Variants in DOCK7 observed in about 807,000 individuals in gnomAD.
DOCK7 encodes dedicator of cytokinesis 7.
DOCK7 carries 138 observed loss-of-function variants against 271.0 expected under a neutral mutation model. The observed-to-expected ratio is 0.51, with a 90% CI of 0.44 to 0.59. The LOEUF (loss-of-function observed/expected upper bound fraction) is 0.59. Ranked by LOEUF, DOCK7 falls within the 20% of genes least tolerant of loss-of-function variation. DOCK7 has a pLI of 0.00. For synonymous variants in DOCK7, 823 were observed against 876.1 expected (o/e 0.94, Z 1.07); for missense variants, 2,066 against 2,592.4 (o/e 0.80, Z 4.41).
At chr1:62,488,729 T>C (rs1646369377) in intron 42 of DOCK7, 1 of 660,054 alleles carries the variant, frequency 1.5e-6, no homozygotes, top group Non-Finnish European at 2.7e-6. Context: ...AGAAAGTTTA[T>C]GATGATCACC....
chr1:62,490,060 C>CTTTTTTT (rs34084769), intron 41 of DOCK7, among the ~76,000 whole-genome samples: 1 of 126,156 alleles, frequency 7.9e-6, no homozygotes, highest in African/African-American at 2.9e-5. Flanking sequence ...ATCCCTTATC[C>CTTTTTTT]TTTTTTTTTT....
At chr1:62,474,635 C>A (rs1416034308) in intron 47 of DOCK7, among the ~76,000 whole-genome samples, 1 of 152,102 alleles carries the variant, frequency 6.6e-6, no homozygotes, top group African/African-American at 2.4e-5. Flanking sequence ...TGGCTTTGTT[C>A]TTTTAATCTG....
chr1:62,639,893 G>GT (rs1158398572), intron 7 of DOCK7, among the ~76,000 whole-genome samples: 1 of 150,728 alleles, frequency 6.6e-6, no homozygotes. Context: ...TATATGTAGA[G>GT]TTTTTTCTTT....
At chr1:62,590,959 T>G (rs1337737038) in intron 14 of DOCK7, among the ~76,000 whole-genome samples, 7 of 152,112 alleles carry the variant, frequency 4.6e-5, no homozygotes, top group Admixed American at 6.5e-5. Context: ...AAAGCAAAAC[T>G]ACCATTCGAC....
intron 47 of DOCK7, among the ~76,000 whole-genome samples, chr1:62,474,433 C>T (rs894575657): frequency 2.6e-5 from 4 of 152,132 alleles, no homozygotes; most frequent in Non-Finnish European, 5.9e-5. Context: ...TCTGCCAATC[C>T]GCTGATTATC....
intron 1 of DOCK7, among the ~76,000 whole-genome samples, chr1:62,684,990 G>T (rs1293038163): frequency 6.6e-6 from 1 of 152,102 alleles, no homozygotes; most frequent in Non-Finnish European, 1.5e-5. Context: ...AAGAAATAAG[G>T]TTTCAAACAG....
intron 45 of DOCK7, 49 bp from the exon 46 acceptor site, chr1:62,475,992 A>T: frequency 6.2e-7 from 1 of 1,601,610 alleles, no homozygotes; most frequent in East Asian, 2.2e-5. Flanking sequence ...GTCATCATTT[A>T]GTCTTTCTCA....
intron 12 of DOCK7, among the ~76,000 whole-genome samples, chr1:62,620,515 C>A (rs1053421398): frequency 3.3e-5 from 5 of 151,964 alleles, no homozygotes; most frequent in Non-Finnish European, 5.9e-5. Context: ...ATACCACTGT[C>A]TTTTTTCTTA....
chr1:62,603,617 T>G (rs1054018715), intron 14 of DOCK7, among the ~76,000 whole-genome samples: 1 of 151,792 alleles, frequency 6.6e-6, no homozygotes, highest in Non-Finnish European at 1.5e-5. Flanking sequence ...AATAAATAGC[T>G]GACAGTAAAG....
chr1:62,483,209 T>TTTTTTTTTTTCTG (rs1217235928), intron 43 of DOCK7: 1 of 74,400 alleles, frequency 1.3e-5, no homozygotes. Context: ...TTTTTTTTTT[T>TTTTTTTTTTTCTG]TTGGGTAGAG....
At chr1:62,644,215 G>C (rs1031467260) in intron 7 of DOCK7, among the ~76,000 whole-genome samples, 1 of 152,116 alleles carries the variant, frequency 6.6e-6, no homozygotes, top group African/African-American at 2.4e-5. Context: ...CTGCAATCTA[G>C]AACCACTTTA....
At chr1:62,510,128 T>C (rs918033609) in intron 34 of DOCK7, among the ~76,000 whole-genome samples, 13 of 152,172 alleles carry the variant, frequency 8.5e-5, no homozygotes, top group African/African-American at 3.1e-4. Context: ...GTATTGTAGG[T>C]GTTTATGGCA....
At chr1:62,625,781 G>T (rs1043926193) in intron 11 of DOCK7, among the ~76,000 whole-genome samples, 5 of 152,146 alleles carry the variant, frequency 3.3e-5, no homozygotes, top group African/African-American at 9.7e-5. Flanking sequence ...AAGATAATTT[G>T]TATTCAAAGT....
rs1557686537 is a variant in DOCK7, at chr1:62,539,743, T to C, written c.3186+9A>G. 3.7e-6 allele frequency: 6 copies of C among 1,612,138 alleles called. No homozygotes were observed. The highest frequency in any genetic ancestry group is 2.7e-5 in the African/African-American group (2 of 74,926). ...AAAGAGAGATAAGTGGGGAAAAAGT[T>C]ATCATTACCTTCTGAAATCGTGAAA... On this transcript the variant is annotated intron_variant, in intron 26 of 49. Coordinates refer to ENST00000635253, the MANE Select transcript of DOCK7 (RefSeq NM_001367561.1).
chr1:62,492,778 T>C lies in DOCK7; in HGVS notation c.5287A>G (p.Ile1763Val). 2.5e-6 allele frequency: 4 copies of C among 1,613,948 alleles called. No individual in the cohort carries two copies. The highest frequency in any genetic ancestry group is 1.3e-5 in the African/African-American group (1 of 75,066). Residue 1763 changes from isoleucine to valine, a missense_variant, in exon 41 of 50, where the codon ATC becomes GTC. By Grantham distance (29) the Ile-to-Val change is conservative. Coordinates refer to ENST00000635253, the MANE Select transcript of DOCK7 (RefSeq NM_001367561.1). ...TCAGTAAAGTATTTTCCAGAGCAGA[T>C]ACCTTCTTCATCTGGAGATACCACA... ...DDVVSPDEEG[I>V]CSGKYFTESG...
chr1:62,573,968 T>A (rs1646865345), intron 18 of DOCK7, among the ~76,000 whole-genome samples: 1 of 152,084 alleles, frequency 6.6e-6, no homozygotes, highest in South Asian at 2.1e-4. Flanking sequence ...TTTTATACAG[T>A]TACAAGGAAG....
At chr1:62,554,720 G>T (rs1646081391) in intron 21 of DOCK7, among the ~76,000 whole-genome samples, 1 of 152,050 alleles carries the variant, frequency 6.6e-6, no homozygotes, top group East Asian at 1.9e-4. Flanking sequence ...AAAATCTGTG[G>T]AATTCTAATA....
intron 1 of DOCK7, among the ~76,000 whole-genome samples, chr1:62,687,926 A>G (rs1416609399): frequency 6.6e-6 from 1 of 152,174 alleles, no homozygotes; most frequent in Non-Finnish European, 1.5e-5. Flanking sequence ...AAACCTCCGC[A>G]GAAGTCCAGG....
intron 16 of DOCK7, among the ~76,000 whole-genome samples, chr1:62,582,603 CAAA>C (rs910254260): frequency 0.022 from 2,973 of 135,456 alleles, 49 homozygotes; most frequent in Middle Eastern, 0.034. Context: ...CTGTGGGCCC[CAAA>C]AAAAAAAAGA....
Sources: allele counts gnomAD v4.1 joint callset (sites outside exome capture counted in the v4.1 genomes callset), GRCh38; gene constraint gnomAD v4.1.1; transcripts MANE v1.5; gene names NCBI Gene and HGNC (gene_info 2026-07-23, HGNC 2026-07-21).